Variants in PDE7A observed in about 807,000 individuals in gnomAD.
The protein encoded by PDE7A is phosphodiesterase 7A.
A neutral mutation model predicts 64.3 loss-of-function variants in PDE7A; 39 were observed. That is an observed-to-expected ratio of 0.61 (90% CI 0.47 to 0.79). PDE7A has a LOEUF of 0.79. Ranked by LOEUF, PDE7A falls within the 30% of genes least tolerant of loss-of-function variation. The probability of loss-of-function intolerance (pLI) is 0.00; values close to 1 mark genes in which losing one functional copy is unlikely to be tolerated. For missense variants in PDE7A, 470 were observed against 582.8 expected (o/e 0.81, Z 1.99); for synonymous variants, 203 against 206.8 (o/e 0.98, Z 0.16).
At chr8:65,792,436 G>T (rs1466372947) in intron 1 of PDE7A, among the ~76,000 whole-genome samples, 1 of 152,002 alleles carries the variant, frequency 6.6e-6, no homozygotes, top group Admixed American at 6.5e-5. Flanking sequence ...TTTATCCCTG[G>T]GGCTCTCTGC....
chr8:65,735,563 G>C (rs1807094930), intron 6 of PDE7A, among the ~76,000 whole-genome samples: 2 of 152,072 alleles, frequency 1.3e-5, no homozygotes, highest in South Asian at 4.2e-4. Flanking sequence ...CACCTGCCTT[G>C]GCCTCCCAAA....
chr8:65,820,368 C>T (rs948403760), intron 1 of PDE7A, among the ~76,000 whole-genome samples: 6 of 152,190 alleles, frequency 3.9e-5, no homozygotes, highest in African/African-American at 1.2e-4. Context: ...TTCATTACAG[C>T]CTGGGTGACA....
chr8:65,808,570 T>C (rs1810165250), intron 1 of PDE7A, among the ~76,000 whole-genome samples: 1 of 152,212 alleles, frequency 6.6e-6, no homozygotes, highest in Non-Finnish European at 1.5e-5. Flanking sequence ...AACACCAATG[T>C]GTTCACAATG....
At chr8:65,816,867 T>C (rs1179497503) in intron 1 of PDE7A, among the ~76,000 whole-genome samples, 2 of 152,200 alleles carry the variant, frequency 1.3e-5, no homozygotes, top group Non-Finnish European at 2.9e-5. Context: ...GATGTGTAGT[T>C]TAATGTTTTT....
intron 6 of PDE7A, among the ~76,000 whole-genome samples, chr8:65,738,756 G>A (rs1252744309): frequency 5.9e-5 from 9 of 152,132 alleles, no homozygotes; most frequent in Admixed American, 2.0e-4. Context: ...AAAGCCTACC[G>A]TCAAAGAGAT....
At chr8:65,829,177 T>A (rs142884923) in intron 1 of PDE7A, among the ~76,000 whole-genome samples, 1 of 152,250 alleles carries the variant, frequency 6.6e-6, no homozygotes, top group East Asian at 1.9e-4. Context: ...CGCTGTATGT[T>A]ATGATATTAA....
At chr8:65,786,114 A>C (rs936846105) in intron 1 of PDE7A, among the ~76,000 whole-genome samples, 15 of 152,178 alleles carry the variant, frequency 9.9e-5, no homozygotes, top group African/African-American at 3.6e-4. Flanking sequence ...TTAATTTCTT[A>C]AGCAAAAAAG....
rs901164548 is a variant in PDE7A at position 65,739,119 on chromosome 8, T to C, written c.595+383A>G. Among the ~76,000 whole-genome samples the C allele has an allele frequency of 3.2e-4, 49 of 152,262 alleles. 1 individual carries two copies. Among genetic ancestry groups the C allele is most frequent in the Admixed American group, 2.6e-3 (40 of 15,278 alleles). Reference sequence around the variant, plus strand: ...CTACTGTTTGAACCAGCTCGGCTAATTGTAAAATAAATAATTCTTTTTTGT... The same window carrying C: ...CTACTGTTTGAACCAGCTCGGCTAACTGTAAAATAAATAATTCTTTTTTGT... On this transcript the variant is annotated intron_variant, in intron 6 of 12. Coordinates refer to ENST00000401827, the MANE Select transcript of PDE7A (RefSeq NM_001242318.3).
At chr8:65,790,182 G>A (rs908999838) in intron 1 of PDE7A, among the ~76,000 whole-genome samples, 8 of 152,344 alleles carry the variant, frequency 5.3e-5, no homozygotes, top group East Asian at 1.9e-4. Flanking sequence ...AGACCAGGGC[G>A]GCTCAAGGGC....
At chr8:65,820,903 T>G (rs751793430) in intron 1 of PDE7A, among the ~76,000 whole-genome samples, 3 of 152,336 alleles carry the variant, frequency 2.0e-5, no homozygotes, top group Non-Finnish European at 4.4e-5. Context: ...ATTGTTGATT[T>G]AAACAACTGA....
intron 5 of PDE7A, among the ~76,000 whole-genome samples, chr8:65,740,962 A>C (rs1451140635): frequency 6.6e-6 from 1 of 152,206 alleles, no homozygotes; most frequent in Admixed American, 6.5e-5. Context: ...TGCTACACGC[A>C]ATGGGGACTG....
rs540938906 is a variant in PDE7A, at chr8:65,801,613, AC to A, written c.139-18771del. On this transcript the variant is annotated intron_variant, in intron 1 of 12. Transcript: ENST00000401827. ...TATTCTACACTCATTTAAAAAAAAA[AC>A]AGCTTGAATCAAAAATAAGTAAATA... Among the ~76,000 whole-genome samples, 551 of 152,086 alleles carry A rather than the reference AC, an allele frequency of 3.6e-3. 2 individuals carry two copies. The highest frequency in any genetic ancestry group is 0.012 in the African/African-American group (514 of 41,542).
intron 3 of PDE7A, among the ~76,000 whole-genome samples, chr8:65,778,179 T>G (rs962459486): frequency 1.3e-5 from 2 of 152,140 alleles, no homozygotes; most frequent in East Asian, 3.8e-4. Context: ...ATCAACAGAA[T>G]ATGGAAATGC....
chr8:65,727,435 T>G (rs528909618), intron 7 of PDE7A, 134 bp from the exon 8 acceptor site: 2 of 1,299,296 alleles, frequency 1.5e-6, no homozygotes, highest in African/African-American at 1.5e-5. Flanking sequence ...CTCAGGTGGT[T>G]GTTCATTAGG....
intron 6 of PDE7A, among the ~76,000 whole-genome samples, chr8:65,735,628 A>G (rs79257313): frequency 0.04 from 6,111 of 151,454 alleles, 183 homozygotes; most frequent in Non-Finnish European, 0.062. Context: ...CTATTTTTGT[A>G]TGTGGTTATT....
chr8:65,826,319 T>C (rs925782965), intron 1 of PDE7A, among the ~76,000 whole-genome samples: 21 of 152,204 alleles, frequency 1.4e-4, no homozygotes, highest in African/African-American at 1.4e-4. Context: ...CAGGAGGCTA[T>C]TGCAGCCGGC....
chr8:65,814,240 G>C (rs1810327297), intron 1 of PDE7A, among the ~76,000 whole-genome samples: 1 of 151,906 alleles, frequency 6.6e-6, no homozygotes, highest in African/African-American at 2.4e-5. Context: ...GGCCGGGCGC[G>C]GTGGCTCACG....
At chr8:65,743,077 T>C (rs556978401) in intron 5 of PDE7A, among the ~76,000 whole-genome samples, 185 of 152,344 alleles carry the variant, frequency 1.2e-3, no homozygotes, top group African/African-American at 4.3e-3. Context: ...CAATCAACTA[T>C]TTCAATGAGT....
chr8:65,782,786 G>T lies in PDE7A; in HGVS notation c.196C>A (p.Leu66Ile). 1 of 1,556,274 alleles carries T rather than the reference G, an allele frequency of 6.4e-7. No individual in the cohort carries two copies. The highest frequency in any genetic ancestry group is 8.8e-7 in the Non-Finnish European group (1 of 1,132,418). ...GTATAAAATAAATAATGCTTACCTA[G>T]CATACGAATGTATAATGCAGTCTGA... ...SDQTALYIRM[L>I]GDVRVRSRAG... is the part of the protein sequence containing the mutation. The change falls in exon 2 of 13, where the codon CTA becomes ATA. Residue 66 changes from leucine (L) to isoleucine (I), a missense_variant. Coordinates refer to ENST00000401827, the MANE Select transcript of PDE7A (RefSeq NM_001242318.3).
Sources: allele counts gnomAD v4.1 joint callset (sites outside exome capture counted in the v4.1 genomes callset), GRCh38; gene constraint gnomAD v4.1.1; transcripts MANE v1.5; gene names NCBI Gene and HGNC (gene_info 2026-07-23, HGNC 2026-07-21).